The following EPS15L1 variants were observed in gnomAD, a reference collection of about 807,000 sequenced individuals.
The protein encoded by EPS15L1 is epidermal growth factor receptor substrate 15-like 1.
In EPS15L1, 43 loss-of-function variants were observed where a neutral mutation model predicts 117.1. The observed-to-expected ratio is 0.37, with a 90% confidence interval of 0.29 to 0.47. EPS15L1 has a LOEUF of 0.47. EPS15L1 is among the 20% of genes least tolerant of loss of function. The pLI is 0.99. For synonymous variants in EPS15L1, 459 were observed against 470.5 expected, an observed-to-expected ratio of 0.98 and a Z score of 0.32; for missense variants, 981 against 1,164.0, an observed-to-expected ratio of 0.84 and a Z score of 2.29.
At chr19:16,439,535 A>T (rs141988301) in intron 4 of EPS15L1, among the ~76,000 whole-genome samples, 105 of 152,178 alleles carry the variant, frequency 6.9e-4, no homozygotes, top group African/African-American at 2.4e-3. Flanking sequence ...CAAAAAAAAT[A>T]ATAAAAATTA....
At chr19:16,417,723 TAAA>T in intron 11 of EPS15L1, 86 bp from the exon 12 acceptor site, 1 of 1,268,242 alleles carries the variant, frequency 7.9e-7, no homozygotes, top group Non-Finnish European at 1.1e-6. Context: ...GGCCCAGGGA[TAAA>T]ATTGTCCCTT....
intron 21 of EPS15L1, among the ~76,000 whole-genome samples, chr19:16,378,914 G>A (rs2144710769): frequency 6.6e-6 from 1 of 152,328 alleles, no homozygotes; most frequent in South Asian, 2.1e-4. Context: ...GAAACACATT[G>A]TTACAAAAAT....
chr19:16,416,680 G>A (rs191423538), intron 12 of EPS15L1, among the ~76,000 whole-genome samples: 150 of 151,588 alleles, frequency 9.9e-4, no homozygotes, highest in African/African-American at 3.3e-3. Context: ...ATGGTGGTGC[G>A]TCCTAGCTAC....
chr19:16,428,468 G>GGAGA (rs2092896396), intron 8 of EPS15L1, among the ~76,000 whole-genome samples: 1 of 116,472 alleles, frequency 8.6e-6, no homozygotes, highest in Non-Finnish European at 1.8e-5. Flanking sequence ...GACAGAGAGA[G>GGAGA]GAGAGAGGGA....
chr19:16,461,512 C>T (rs544213214), intron 1 of EPS15L1, among the ~76,000 whole-genome samples: 2 of 151,474 alleles, frequency 1.3e-5, no homozygotes, highest in Non-Finnish European at 1.5e-5. Context: ...GTCCCAGCTA[C>T]TCGGAGGGCT....
At chr19:16,447,739 G>A (rs985391900) in intron 1 of EPS15L1, among the ~76,000 whole-genome samples, 5 of 150,470 alleles carry the variant, frequency 3.3e-5, no homozygotes, top group East Asian at 3.9e-4. Flanking sequence ...CAGCCTGAGC[G>A]ACAGAGCAAG....
At position 16,436,968 on chromosome 19, in the gene EPS15L1, G is replaced by T; in HGVS notation, c.341C>A (p.Pro114Gln). Reference protein sequence around the residue: ...HDTSSPLMVTPPSAEAHWAVR... With the variant: ...HDTSSPLMVTQPSAEAHWAVR... ...AGCCCAGTGGGCCTCTGCAGAGGGC[G>T]GTGTGACCATCAGAGGGCTGCTGGT... The change falls in exon 6 of 24, where the codon CCG becomes CAG. Residue 114 changes from proline to glutamine, a missense_variant. Pro to Gln is a moderately conservative substitution (Grantham distance 76). Around this residue, in one of 5 missense-constraint regions of EPS15L1, gnomAD observed 52 missense variants for 53.1 expected, o/e 0.98. Coordinates refer to ENST00000455140, the MANE Select transcript of EPS15L1 (RefSeq NM_001258374.3). 1 of 1,614,072 alleles carries T rather than the reference G, an allele frequency of 6.2e-7. No homozygotes were observed. The highest frequency in any genetic ancestry group is 8.5e-7 in the Non-Finnish European group (1 of 1,179,934).
chr19:16,356,056 C>G (rs995277146), intron 23 of EPS15L1, among the ~76,000 whole-genome samples: 1 of 152,208 alleles, frequency 6.6e-6, no homozygotes, highest in African/African-American at 2.4e-5. Context: ...GCAGAGTGGA[C>G]GGGATGCATG....
intron 9 of EPS15L1, among the ~76,000 whole-genome samples, chr19:16,423,846 C>G (rs76611404): frequency 1.3e-5 from 2 of 152,070 alleles, no homozygotes; most frequent in Admixed American, 1.3e-4. Flanking sequence ...GACACAGAAA[C>G]AAGGGGGGTT....
intron 22 of EPS15L1, among the ~76,000 whole-genome samples, chr19:16,372,586 T>C (rs2092240751): frequency 1.3e-5 from 2 of 152,184 alleles, no homozygotes; most frequent in Admixed American, 1.3e-4. Flanking sequence ...AAGGGCCCAA[T>C]TAATGACTCC....
rs184424589 is a variant in EPS15L1 at position 16,434,236 on chromosome 19, G to C, written c.498+129C>G. On this transcript the variant is annotated intron_variant, in intron 7 of 23. Transcript: ENST00000455140. ...GGGCTGGACCCACAGGAGCGCTGAT[G>C]AAAGCCCCTGATGGCACAGGGAGAA... is the stretch of plus-strand genomic sequence containing the variant. 3.9e-3 allele frequency: 5,025 copies of C among 1,280,844 alleles called. 19 individuals are homozygous for C. Among genetic ancestry groups the C allele is most frequent in the Non-Finnish European group, 4.9e-3 (4,561 of 930,922 alleles). The allele number at this position is 1,280,844 out of a possible 1,614,324, so 79.3% of individuals were successfully genotyped here.
chr19:16,420,264 A>G (rs1251501539), intron 10 of EPS15L1, among the ~76,000 whole-genome samples: 1 of 152,172 alleles, frequency 6.6e-6, no homozygotes, highest in African/African-American at 2.4e-5. Context: ...TGTCATTTCC[A>G]TGTCATTACA....
chr19:16,446,460 T>C (rs889308007), intron 1 of EPS15L1, among the ~76,000 whole-genome samples: 1 of 152,230 alleles, frequency 6.6e-6, no homozygotes. Context: ...CCATTTTCAC[T>C]GTAAAATGTT....
chr19:16,422,793 C>G (rs969892297), intron 9 of EPS15L1, among the ~76,000 whole-genome samples: 2 of 152,050 alleles, frequency 1.3e-5, no homozygotes, highest in Admixed American at 6.6e-5. Context: ...CCCCTCTCTA[C>G]TAAAAACACG....
At chr19:16,436,755 G>GAAGAGGCGTTTCATCCA (rs1370671184) in intron 6 of EPS15L1, 182 bp downstream of exon 6, 24 of 527,868 alleles carry the variant, frequency 4.5e-5, no homozygotes, top group Non-Finnish European at 8.1e-5. Flanking sequence ...GTGTTCATTA[G>GAAGAGGCGTTTCATCCA]AAGAGGCGTT....
At chr19:16,426,396 G>C (rs772357678) in intron 8 of EPS15L1, among the ~76,000 whole-genome samples, 1 of 152,170 alleles carries the variant, frequency 6.6e-6, no homozygotes, top group Non-Finnish European at 1.5e-5. Context: ...GCACTTTGGA[G>C]GCCGAGACGG....
intron 12 of EPS15L1, among the ~76,000 whole-genome samples, chr19:16,416,809 C>T (rs1300543499): frequency 6.6e-6 from 1 of 151,904 alleles, no homozygotes; most frequent in Non-Finnish European, 1.5e-5. Flanking sequence ...GAAAAACAAA[C>T]AACAAAAAAG....
At chr19:16,374,037 C>T (rs1052361281) in intron 22 of EPS15L1, among the ~76,000 whole-genome samples, 12 of 152,226 alleles carry the variant, frequency 7.9e-5, no homozygotes, top group South Asian at 2.1e-4. Flanking sequence ...TAAAATGCTG[C>T]GCGTGCATTG....
chr19:16,377,479 T>C (rs562090228), intron 21 of EPS15L1, among the ~76,000 whole-genome samples: 2 of 152,228 alleles, frequency 1.3e-5, no homozygotes, highest in Non-Finnish European at 2.9e-5. Flanking sequence ...CTGCCCAACA[T>C]AGGGTGGCAG....
Sources: allele counts gnomAD v4.1 joint callset (sites outside exome capture counted in the v4.1 genomes callset), GRCh38; gene constraint gnomAD v4.1.1; regional missense constraint gnomAD v4.1.1; transcripts MANE v1.5; gene names NCBI Gene and HGNC (gene_info 2026-07-23, HGNC 2026-07-21).